The following CAMTA1 variants were observed in gnomAD, a reference collection of about 807,000 sequenced individuals.
CAMTA1 encodes the protein calmodulin binding transcription activator 1, also known as calmodulin-binding transcription activator 1.
In CAMTA1, 27 loss-of-function variants were observed where a neutral mutation model predicts 170.9. The ratio of observed to expected loss-of-function variants is 0.16; its 90% CI spans 0.12 to 0.22. The LOEUF is 0.22. CAMTA1 is among the 10% of genes least tolerant of loss of function. CAMTA1 has a pLI of 1.00. For synonymous variants in CAMTA1, 833 were observed against 891.5 expected (o/e 0.93, Z 1.17); for missense variants, 1,619 against 2,217.2 (o/e 0.73, Z 5.42).
intron 5 of CAMTA1, among the ~76,000 whole-genome samples, chr1:7,381,445 A>G (rs1484242834): frequency 6.6e-6 from 1 of 151,270 alleles, no homozygotes; most frequent in Non-Finnish European, 1.5e-5. Flanking sequence ...GAGAATGATG[A>G]TTTCCAATTT....
chr1:7,477,020 G>A (rs1293364680), intron 6 of CAMTA1, among the ~76,000 whole-genome samples: 1 of 152,178 alleles, frequency 6.6e-6, no homozygotes, highest in East Asian at 1.9e-4. Context: ...GGAAAGACAA[G>A]ACCCCAGCAG....
intron 3 of CAMTA1, among the ~76,000 whole-genome samples, chr1:7,046,250 A>T (rs930400016): frequency 6.6e-6 from 1 of 152,222 alleles, no homozygotes. Context: ...CTAGTAGCCA[A>T]TGTAGTTAAG....
chr1:6,926,522 TTCTTTCTC>T (rs1391833999), intron 3 of CAMTA1, among the ~76,000 whole-genome samples: 2 of 145,482 alleles, frequency 1.4e-5, no homozygotes, highest in African/African-American at 5.2e-5. Flanking sequence ...CCTTCCTTCT[TTCTTTCTC>T]TCTCTCTTTC....
At chr1:7,746,210 AT>A (rs2096856086) in intron 18 of CAMTA1, 119 bp downstream of exon 18, 17 of 1,222,076 alleles carry the variant, frequency 1.4e-5, no homozygotes, top group East Asian at 2.5e-5. Flanking sequence ...AATTTGTAGA[AT>A]TTTTTTGGAA....
chr1:6,861,474 T>C (rs1394650632), intron 3 of CAMTA1, among the ~76,000 whole-genome samples: 1 of 152,144 alleles, frequency 6.6e-6, no homozygotes. Flanking sequence ...AAAATAAGAA[T>C]ATTTGTAGGA....
At chr1:7,098,045 T>C (rs921873690) in intron 4 of CAMTA1, among the ~76,000 whole-genome samples, 3 of 152,190 alleles carry the variant, frequency 2.0e-5, no homozygotes, top group African/African-American at 4.8e-5. Context: ...TGGAGTTGCC[T>C]CTGTAGCTCT....
At chr1:7,379,443 G>C (rs1183417044) in intron 5 of CAMTA1, among the ~76,000 whole-genome samples, 1 of 152,166 alleles carries the variant, frequency 6.6e-6, no homozygotes, top group Non-Finnish European at 1.5e-5. Flanking sequence ...ATCGTTATCT[G>C]CAGAGATTCA....
chr1:6,948,364 T>A (rs1185386578), intron 3 of CAMTA1, among the ~76,000 whole-genome samples: 1 of 152,162 alleles, frequency 6.6e-6, no homozygotes, highest in Non-Finnish European at 1.5e-5. Context: ...AGCACTAAGC[T>A]CCTCTCTGTG....
chr1:7,608,835 G>A (rs1489632187), intron 6 of CAMTA1, among the ~76,000 whole-genome samples: 1 of 152,208 alleles, frequency 6.6e-6, no homozygotes, highest in East Asian at 1.9e-4. Context: ...GGCCTCAGCC[G>A]GCCACAGGTC....
intron 5 of CAMTA1, among the ~76,000 whole-genome samples, chr1:7,250,274 T>C (rs537978432): frequency 6.6e-6 from 1 of 152,186 alleles, no homozygotes; most frequent in South Asian, 2.1e-4. Flanking sequence ...GAAATTCCCT[T>C]ATTCCTCTTT....
chr1:7,447,486 A>G (rs1423921867), intron 5 of CAMTA1, among the ~76,000 whole-genome samples: 5 of 152,114 alleles, frequency 3.3e-5, no homozygotes, highest in African/African-American at 1.2e-4. Flanking sequence ...CCACGGTGCC[A>G]GCTTTCAGTT....
In CAMTA1 at chr1:7,642,973, T is replaced by C. The variant is rs1227215773; in HGVS notation, c.664+2420T>C. Among the ~76,000 whole-genome samples, 1 of 149,920 alleles carries C rather than the reference T, an allele frequency of 6.7e-6. No individual in the cohort carries two copies. Among genetic ancestry groups the C allele is most frequent in the Non-Finnish European group, 1.5e-5 (1 of 68,016 alleles). ...CAGCTTGGTCCTGCAGAAGCTGCCA[T>C]GGCTGAGTGCACTCCAGGCCTGCAG... On this transcript the variant is annotated intron_variant, in intron 7 of 22. Coordinates refer to ENST00000303635, the MANE Select transcript of CAMTA1 (RefSeq NM_015215.4). The surrounding 1 kb of genome is among the most constrained non-coding windows in gnomAD (Gnocchi z 6.3).
At chr1:7,148,353 T>A (rs918006050) in intron 4 of CAMTA1, among the ~76,000 whole-genome samples, 1 of 150,250 alleles carries the variant, frequency 6.7e-6, no homozygotes, top group Non-Finnish European at 1.5e-5. Context: ...AAACATACAC[T>A]ACCCACACAC....
chr1:7,504,170 T>G (rs2094059613), intron 6 of CAMTA1, among the ~76,000 whole-genome samples: 1 of 152,088 alleles, frequency 6.6e-6, no homozygotes, highest in Admixed American at 6.5e-5. Context: ...GGGACTGACT[T>G]TGGACCCAGG....
chr1:7,151,055 G>A lies in CAMTA1; in HGVS notation c.302+59684G>A, dbSNP rs750466807. ...TTGAAATCTGTTGGGGGGAGCACCCGTTGAAACCATTGGGCCAAGAATGAG... is the reference window on the plus strand; with the variant it reads ...TTGAAATCTGTTGGGGGGAGCACCCATTGAAACCATTGGGCCAAGAATGAG... On this transcript the variant is annotated intron_variant, in intron 4 of 22. Transcript: ENST00000303635. Among the ~76,000 whole-genome samples the A allele has an allele frequency of 3.3e-5, 5 of 152,214 alleles. No homozygotes were observed. In the South Asian group the frequency reaches 1.0e-3, roughly 32 times the overall value.
At chr1:6,874,623 T>TG (rs1487787771) in intron 3 of CAMTA1, among the ~76,000 whole-genome samples, 1 of 152,210 alleles carries the variant, frequency 6.6e-6, no homozygotes, top group East Asian at 1.9e-4. Context: ...GAATAGTTTA[T>TG]GGTAATTAAG....
intron 3 of CAMTA1, 86 bp from the exon 4 acceptor site, chr1:7,091,218 A>G (rs896918033): frequency 1.2e-6 from 1 of 865,928 alleles, no homozygotes; most frequent in Admixed American, 1.9e-5. Context: ...TGAAAACAGC[A>G]GCTGGGAAAC....
In CAMTA1 at chr1:7,652,261, C is replaced by T. The variant is rs1044844760; in HGVS notation, c.665-9465C>T. On this transcript the variant is annotated intron_variant, in intron 7 of 22. Coordinates refer to ENST00000303635, the MANE Select transcript of CAMTA1 (RefSeq NM_015215.4). Reference sequence around the variant, plus strand: ...CCCCAGCTCCCAGGCTTGGATGCAGCGTTGCTGAGATGTCCTCCTTGCAGC... The same window carrying T: ...CCCCAGCTCCCAGGCTTGGATGCAGTGTTGCTGAGATGTCCTCCTTGCAGC... Among the ~76,000 whole-genome samples, 14 of 152,320 alleles carry T rather than the reference C, an allele frequency of 9.2e-5. No individual in the cohort carries two copies. In the South Asian group the frequency reaches 2.7e-3, roughly 29 times the overall value.
intron 3 of CAMTA1, among the ~76,000 whole-genome samples, chr1:6,858,671 T>A (rs1663432781): frequency 6.6e-6 from 1 of 152,184 alleles, no homozygotes; most frequent in Admixed American, 6.5e-5. Flanking sequence ...ACAATGATTT[T>A]GTGTGTCTGA....
Sources: gnomAD v4.1 joint callset for allele counts (sites outside exome capture counted in the v4.1 genomes callset) on GRCh38, gnomAD v4.1.1 for gene constraint, Gnocchi (gnomAD v3.1) non-coding constraint, MANE v1.5 for transcripts, NCBI Gene and HGNC (gene_info 2026-07-23, HGNC 2026-07-21) for gene names.